TBC1D9: variants seen among roughly 807,000 people sequenced by gnomAD.
The protein encoded by TBC1D9 is TBC1 domain family member 9.
TBC1D9 carries 63 observed loss-of-function variants against 132.0 expected under a neutral mutation model. That is an observed-to-expected ratio of 0.48 (90% CI 0.39 to 0.59). The LOEUF is 0.59. Among genes scored for constraint, TBC1D9 ranks in the 20% least tolerant of loss-of-function variants. The pLI is 0.00. For synonymous variants in TBC1D9, 610 were observed against 609.9 expected, an observed-to-expected ratio of 1.00 and a Z score of 0.00; for missense variants, 1,261 against 1,592.7, an observed-to-expected ratio of 0.79 and a Z score of 3.54.
chr4:140,687,863 A>C (rs975848764), intron 2 of TBC1D9, among the ~76,000 whole-genome samples: 2 of 152,272 alleles, frequency 1.3e-5, no homozygotes, highest in African/African-American at 4.8e-5. Flanking sequence ...AGATGGGAGC[A>C]TCACTAGAGC....
At chr4:140,704,562 G>A (rs138642867) in intron 1 of TBC1D9, among the ~76,000 whole-genome samples, 112 of 152,076 alleles carry the variant, frequency 7.4e-4, no homozygotes, top group African/African-American at 2.3e-3. Flanking sequence ...GCAGAGCAGC[G>A]GACAGGGGCA....
intron 11 of TBC1D9, among the ~76,000 whole-genome samples, chr4:140,658,956 A>C (rs1475907161): frequency 6.6e-6 from 1 of 152,242 alleles, no homozygotes; most frequent in Non-Finnish European, 1.5e-5. Flanking sequence ...TATTTTCAAT[A>C]ATCAAATTCA....
At chr4:140,720,973 G>A (rs888841836) in intron 1 of TBC1D9, among the ~76,000 whole-genome samples, 2 of 152,190 alleles carry the variant, frequency 1.3e-5, no homozygotes, top group African/African-American at 4.8e-5. Flanking sequence ...TTTGCTCCTG[G>A]AAAGTGCTCT....
intron 15 of TBC1D9, among the ~76,000 whole-genome samples, chr4:140,634,497 A>G (rs6537001): frequency 0.95 from 144,393 of 152,232 alleles, 68,576 homozygotes; most frequent in East Asian, 1. Flanking sequence ...CTACACACTC[A>G]CATACATTTT....
At chr4:140,711,475 T>C (rs922773509) in intron 1 of TBC1D9, among the ~76,000 whole-genome samples, 3 of 152,208 alleles carry the variant, frequency 2.0e-5, no homozygotes, top group Admixed American at 6.5e-5. Flanking sequence ...AAGGCCACAT[T>C]TGCAGAAGCC....
intron 7 of TBC1D9, 107 bp downstream of exon 7, chr4:140,670,613 G>A: frequency 2.4e-6 from 2 of 836,886 alleles, no homozygotes; most frequent in Non-Finnish European, 3.8e-6. Flanking sequence ...ATTGCTTTGG[G>A]CGTCAGACGC....
intron 13 of TBC1D9, chr4:140,644,552 C>T: frequency 3.2e-6 from 1 of 308,340 alleles, no homozygotes. Flanking sequence ...GCCAGCCTTG[C>T]CCCCGGCCCC....
In TBC1D9 at chr4:140,633,959, A is replaced by G. The variant is rs752495112; in HGVS notation, c.2735T>C (p.Val912Ala). Residue 912 changes from valine to alanine, a missense_variant, in exon 16 of 21, where the codon GTC becomes GCC. Coordinates refer to ENST00000442267, the MANE Select transcript of TBC1D9 (RefSeq NM_015130.3). Reference sequence around the variant, plus strand: ...TACCACGTCCTTACTTAGCCCAGAGACAAACTCCCGGAAGTTAATCAAAGA... The same window carrying G: ...TACCACGTCCTTACTTAGCCCAGAGGCAAACTCCCGGAAGTTAATCAAAGA... ...GDSLINFREF[V>A]SGLSAACHGD... The G allele has an allele frequency of 6.2e-7, 1 of 1,613,956 alleles. No homozygotes were observed. The highest frequency in any genetic ancestry group is 1.1e-5 in the South Asian group (1 of 91,084).
chr4:140,689,186 T>C (rs774779014), intron 2 of TBC1D9, among the ~76,000 whole-genome samples: 2 of 152,152 alleles, frequency 1.3e-5, no homozygotes, highest in African/African-American at 2.4e-5. Context: ...TTGTAGAGTC[T>C]GAGCCTCGGC....
chr4:140,652,486 T>C (rs1174178035), intron 13 of TBC1D9, among the ~76,000 whole-genome samples: 2 of 152,180 alleles, frequency 1.3e-5, no homozygotes, highest in African/African-American at 4.8e-5. Flanking sequence ...GACTCCCTAC[T>C]AACCAGCTCC....
intron 13 of TBC1D9, among the ~76,000 whole-genome samples, chr4:140,652,725 A>G (rs978185905): frequency 5.9e-5 from 9 of 152,246 alleles, no homozygotes; most frequent in Non-Finnish European, 1.2e-4. Flanking sequence ...CAAGGCACCC[A>G]GCACCTTGCC....
At chr4:140,742,781 C>T (rs1360206403) in intron 1 of TBC1D9, among the ~76,000 whole-genome samples, 2 of 152,030 alleles carry the variant, frequency 1.3e-5, no homozygotes, top group Non-Finnish European at 2.9e-5. Context: ...AGTCCTCTCC[C>T]TGGTGATTCC....
At chr4:140,739,584 A>G (rs1451884084) in intron 1 of TBC1D9, among the ~76,000 whole-genome samples, 1 of 152,246 alleles carries the variant, frequency 6.6e-6, no homozygotes, top group Non-Finnish European at 1.5e-5. Context: ...TCTCAGCAGG[A>G]TGCCTGAATC....
At chr4:140,673,774 A>G (rs1210873308) in intron 6 of TBC1D9, among the ~76,000 whole-genome samples, 1 of 152,158 alleles carries the variant, frequency 6.6e-6, no homozygotes, top group East Asian at 1.9e-4. Context: ...TCTCTGCTCT[A>G]CTAGAGAAAA....
chr4:140,711,974 G>A (rs1043938920), intron 1 of TBC1D9, among the ~76,000 whole-genome samples: 2 of 152,048 alleles, frequency 1.3e-5, no homozygotes, highest in East Asian at 3.9e-4. Context: ...TTTATGATGA[G>A]AAAACAAAAA....
chr4:140,733,559 A>G (rs1738630692), intron 1 of TBC1D9, among the ~76,000 whole-genome samples: 1 of 152,172 alleles, frequency 6.6e-6, no homozygotes. Context: ...GTGTTTACAT[A>G]CTCATTTCCA....
At chr4:140,683,168 G>A (rs527821398) in intron 3 of TBC1D9, among the ~76,000 whole-genome samples, 5 of 152,198 alleles carry the variant, frequency 3.3e-5, no homozygotes, top group African/African-American at 9.6e-5. Context: ...GTGAGCCACC[G>A]CACCTGGCCT....
rs1256253967 is a variant in TBC1D9 at position 140,755,847 on chromosome 4, A to C, written c.130+69T>G. 2.8e-5 allele frequency: 36 copies of C among 1,277,974 alleles called. 2 individuals carry two copies. In the African/African-American group the frequency reaches 7.6e-4, roughly 27 times the overall value. The allele number at this position is 1,277,974 out of a possible 1,614,324, so 79.2% of individuals were successfully genotyped here. The stretch of plus-strand genomic sequence containing the variant: ...ACCGGGCGGCGTCTCCCGAGCCTGC[A>C]GCCCAGGCCGCGGGCGGCGCCGCAG... On this transcript the variant is annotated intron_variant, in intron 1 of 20. Coordinates refer to ENST00000442267, the MANE Select transcript of TBC1D9 (RefSeq NM_015130.3).
chr4:140,742,469 T>G (rs575710707), intron 1 of TBC1D9, among the ~76,000 whole-genome samples: 12 of 139,886 alleles, frequency 8.6e-5, no homozygotes, highest in Admixed American at 2.3e-4. Context: ...GAGGTGGAGG[T>G]TGCAGTGAGC....
Sources: gnomAD v4.1 joint callset for allele counts (sites outside exome capture counted in the v4.1 genomes callset) on GRCh38, gnomAD v4.1.1 for gene constraint, MANE v1.5 for transcripts, NCBI Gene and HGNC (gene_info 2026-07-23, HGNC 2026-07-21) for gene names.